CLOCK: variants seen among roughly 807,000 people sequenced by gnomAD.
CLOCK encodes the protein clock circadian regulator, also known as circadian locomoter output cycles protein kaput.
A neutral mutation model predicts 118.4 loss-of-function variants in CLOCK; 43 were observed. The observed-to-expected ratio is 0.36, with a 90% CI of 0.28 to 0.47. The LOEUF (loss-of-function observed/expected upper bound fraction) is 0.47, where lower values mean the gene tolerates loss of function less well. Ranked by LOEUF, CLOCK falls within the 20% of genes least tolerant of loss-of-function variation. CLOCK has a pLI of 1.00. For missense variants in CLOCK, 846 were observed against 999.9 expected (o/e 0.85, Z 2.08); for synonymous variants, 326 against 339.2 (o/e 0.96, Z 0.43).
intron 1 of CLOCK, among the ~76,000 whole-genome samples, chr4:55,523,837 G>C (rs1729999210): frequency 6.6e-6 from 1 of 152,020 alleles, no homozygotes; most frequent in South Asian, 2.1e-4. Flanking sequence ...ACCTTTGATG[G>C]CTTATAATTT....
At chr4:55,534,430 GCA>G (rs1316275511) in intron 1 of CLOCK, among the ~76,000 whole-genome samples, 4 of 152,026 alleles carry the variant, frequency 2.6e-5, no homozygotes, top group Non-Finnish European at 4.4e-5. Context: ...AAATTCAACA[GCA>G]CACAGTCTAT....
chr4:55,512,766 A>G, intron 1 of CLOCK, among the ~76,000 whole-genome samples: 1 of 151,946 alleles, frequency 6.6e-6, no homozygotes, highest in East Asian at 1.9e-4. Context: ...GTCGAGATTC[A>G]TTTTTTTGCA....
intron 3 of CLOCK, among the ~76,000 whole-genome samples, chr4:55,485,888 C>T (rs1168100138): frequency 2.6e-5 from 4 of 151,994 alleles, no homozygotes; most frequent in Non-Finnish European, 5.9e-5. Flanking sequence ...GGTACCCACA[C>T]AAATTAAAAT....
chr4:55,530,885 C>T (rs1324486535), intron 1 of CLOCK, among the ~76,000 whole-genome samples: 3 of 150,822 alleles, frequency 2.0e-5, no homozygotes, highest in Non-Finnish European at 2.9e-5. Flanking sequence ...AATGCAGACA[C>T]GGAATAGCTC....
At chr4:55,466,195 A>G (rs1725729088) in intron 8 of CLOCK, among the ~76,000 whole-genome samples, 2 of 152,048 alleles carry the variant, frequency 1.3e-5, no homozygotes. Context: ...TGTTCTCGTG[A>G]TAGTGAGTGA....
At chr4:55,540,485 G>C (rs1731197708) in intron 1 of CLOCK, 1 of 152,056 alleles carries the variant, frequency 6.6e-6, no homozygotes, top group Non-Finnish European at 1.5e-5. Context: ...TAGGCATATG[G>C]TCTAACCTTT....
chr4:55,506,551 T>C (rs1728806372), intron 2 of CLOCK, among the ~76,000 whole-genome samples: 2 of 151,986 alleles, frequency 1.3e-5, no homozygotes, highest in Admixed American at 1.3e-4. Flanking sequence ...TAGCATATGG[T>C]ATTTATTTTA....
rs550417252 is a variant in CLOCK at position 55,448,762 on chromosome 4, CAAAA to C, written c.1539+13_1539+16del. The stretch of plus-strand genomic sequence containing the variant: ...ATCATATTCAAATACGCAACTGAAA[CAAAA>C]ACCAAAAAGTACCTGGGACATGCCT... On this transcript the variant is annotated intron_variant, in intron 18 of 22. Transcript: ENST00000513440. 7.8e-5 allele frequency: 125 copies of C among 1,608,284 alleles called. No individual in the cohort carries two copies. The African/African-American group carries it at 1.5e-3, about 19-fold the overall frequency.
At chr4:55,490,295 A>C (rs562937076) in intron 2 of CLOCK, among the ~76,000 whole-genome samples, 4 of 152,186 alleles carry the variant, frequency 2.6e-5, no homozygotes, top group African/African-American at 9.6e-5. Context: ...AATAAGAGTC[A>C]ATTCATTAGG....
At chr4:55,520,953 A>C (rs753369825) in intron 1 of CLOCK, among the ~76,000 whole-genome samples, 16 of 152,210 alleles carry the variant, frequency 1.1e-4, no homozygotes, top group Non-Finnish European at 2.4e-4. Flanking sequence ...CCCAAGGTTC[A>C]GCCTTATCTC....
chr4:55,504,729 T>C (rs1325389551), intron 2 of CLOCK, among the ~76,000 whole-genome samples: 1 of 152,180 alleles, frequency 6.6e-6, no homozygotes, highest in African/African-American at 2.4e-5. Flanking sequence ...ACGATTAAAA[T>C]AACTGAGATA....
Position 55,428,073 on chromosome 4 carries a change from G to C in CLOCK, c.*7342C>G, listed in dbSNP as rs535995515. 1.3e-5 allele frequency: 2 copies of C among 152,282 alleles called. No homozygotes were observed. Among genetic ancestry groups the C allele is most frequent in the South Asian group, 4.2e-4 (2 of 4,818 alleles). 9.4% of individuals were successfully genotyped at this position (152,282 alleles called of 1,614,324 possible). On this transcript the variant is annotated 3_prime_UTR_variant, in exon 23 of 23. Coordinates refer to ENST00000513440, the MANE Select transcript of CLOCK (RefSeq NM_004898.4). ...TTTAAAATTGAAGGAAACAAAGTCT[G>C]GATCTAATTATTTTTACATTTACAA...
intron 1 of CLOCK, among the ~76,000 whole-genome samples, chr4:55,523,461 T>C (rs888883784): frequency 2.6e-5 from 4 of 151,462 alleles, no homozygotes; most frequent in African/African-American, 7.3e-5. Flanking sequence ...AGTCATCTTA[T>C]GAATTATTTA....
rs180732754 is a variant in CLOCK at position 55,483,669 on chromosome 4, A to G, written c.-43-841T>C. On this transcript the variant is annotated intron_variant, in intron 3 of 22. Coordinates refer to ENST00000513440, the MANE Select transcript of CLOCK (RefSeq NM_004898.4). ...GCACAGGCCTTAGTGAGACAAAAGA[A>G]TATCGTATTTGAGAAACTAAGAGGT... Among the ~76,000 whole-genome samples the G allele has an allele frequency of 3.4e-3, 517 of 152,348 alleles. 2 individuals are homozygous for G. Among genetic ancestry groups the G allele is most frequent in the African/African-American group, 0.011 (472 of 41,574 alleles).
chr4:55,455,342 TACTC>T (rs1698497161), intron 13 of CLOCK, among the ~76,000 whole-genome samples: 1 of 152,210 alleles, frequency 6.6e-6, no homozygotes. Context: ...GTTCTCAGCT[TACTC>T]ATGAAGATAA....
At position 55,443,771 on chromosome 4, in the gene CLOCK, C is replaced by G. The variant is rs768370005; in HGVS notation, c.1818G>C (p.Gln606His). 2 of 1,613,954 alleles carry G rather than the reference C, an allele frequency of 1.2e-6. No homozygotes were observed. The highest frequency in any genetic ancestry group is 1.3e-5 in the African/African-American group (1 of 74,904). ...GTCCAGTATTCATTCCACTTTGAAT[C>G]TGGTTAGTAGGAACAACTTGGCCTT... ...NMQGQVVPTN[Q>H]IQSGMNTGHI... Residue 606 changes from glutamine (Q) to histidine (H), a missense_variant, in exon 20 of 23, where the codon CAG becomes CAC. Gln to His is a conservative substitution (Grantham distance 24). This residue lies in a region of CLOCK where 520 missense variants were observed against 558.0 expected (regional missense o/e 0.93). Coordinates refer to ENST00000513440, the MANE Select transcript of CLOCK (RefSeq NM_004898.4).
chr4:55,481,942 A>C (rs1160286406), intron 4 of CLOCK, among the ~76,000 whole-genome samples: 11 of 152,188 alleles, frequency 7.2e-5, no homozygotes, highest in African/African-American at 2.7e-4. Context: ...AGATGCTTTA[A>C]AAATGTTGTT....
chr4:55,453,682 T>C lies in CLOCK; in HGVS notation c.1125A>G (p.Val375=). The change falls in exon 14 of 23, where the codon GTA becomes GTG. Residue 375 remains valine (V), a synonymous_variant. Transcript: ENST00000513440. Reference sequence around the variant, plus strand: ...TTCTCTAAAAGAATTATTACCTTACTACAGTGTGAGTACAAACAATAAACT... The same window carrying C: ...TTCTCTAAAAGAATTATTACCTTACCACAGTGTGAGTACAAACAATAAACT... ...RPEFIVCTHT[V]VSYAEVRAER... is the part of the protein sequence containing the mutation. 2 of 1,610,002 alleles carry C rather than the reference T, an allele frequency of 1.2e-6. No individual in the cohort carries two copies. The highest frequency in any genetic ancestry group is 2.2e-5 in the East Asian group (1 of 44,690).
chr4:55,498,133 T>C lies in CLOCK; in HGVS notation c.-135-8668A>G, dbSNP rs112325789. Among the ~76,000 whole-genome samples the C allele has an allele frequency of 4.0e-3, 605 of 152,290 alleles. 4 individuals are homozygous for C. The highest frequency in any genetic ancestry group is 0.014 in the African/African-American group (577 of 41,564). On this transcript the variant is annotated intron_variant, in intron 2 of 22. Transcript: ENST00000513440. ...TTTAATAACATACAACTAATATGTA[T>C]AAATATAATGACAATGTTTGACATA...
Sources: allele counts gnomAD v4.1 joint callset (sites outside exome capture counted in the v4.1 genomes callset), GRCh38; gene constraint gnomAD v4.1.1; regional missense constraint gnomAD v4.1.1; transcripts MANE v1.5; gene names NCBI Gene and HGNC (gene_info 2026-07-23, HGNC 2026-07-21).